The following CYSTM1 variants were observed in gnomAD, a reference collection of about 807,000 sequenced individuals.
CYSTM1 encodes the protein cysteine rich transmembrane module containing 1.
A neutral mutation model predicts 13.1 loss-of-function variants in CYSTM1; 4 were observed. That is an observed-to-expected ratio of 0.31 (90% confidence interval 0.15 to 0.70). CYSTM1 has a LOEUF of 0.70. CYSTM1 is among the 30% of genes least tolerant of loss of function. The pLI is 0.72. For synonymous variants in CYSTM1, 36 were observed against 42.7 expected, an observed-to-expected ratio of 0.84 and a Z score of 0.62; for missense variants, 96 against 121.6, an observed-to-expected ratio of 0.79 and a Z score of 0.99.
At chr5:140,217,772 A>G (rs1416805317) in intron 2 of CYSTM1, among the ~76,000 whole-genome samples, 1 of 152,172 alleles carries the variant, frequency 6.6e-6, no homozygotes, top group East Asian at 1.9e-4. Context: ...CAGTTTCTTA[A>G]TAAGACAGGC....
intron 2 of CYSTM1, among the ~76,000 whole-genome samples, chr5:140,241,329 G>A (rs569497372): frequency 5.3e-5 from 8 of 152,244 alleles, no homozygotes; most frequent in South Asian, 4.1e-4. Context: ...TGAGGAGACT[G>A]ACTGATGTCC....
At chr5:140,178,611 A>G (rs1003625213) in intron 1 of CYSTM1, among the ~76,000 whole-genome samples, 1 of 150,208 alleles carries the variant, frequency 6.7e-6, no homozygotes, top group African/African-American at 2.4e-5. Flanking sequence ...GGTTTTTTTA[A>G]TTTTTTTGAG....
At chr5:140,237,722 C>A (rs1389282553) in intron 2 of CYSTM1, among the ~76,000 whole-genome samples, 1 of 152,116 alleles carries the variant, frequency 6.6e-6, no homozygotes, top group African/African-American at 2.4e-5. Context: ...GTTGTTTTTC[C>A]AAAAATTGTG....
intron 1 of CYSTM1, among the ~76,000 whole-genome samples, chr5:140,187,632 G>T (rs398153): frequency 0.75 from 113,951 of 152,090 alleles, 42,928 homozygotes; most frequent in East Asian, 0.79. Flanking sequence ...TCTCCCAAAG[G>T]GCCGGGATTA....
chr5:140,216,875 C>G (rs1373810238), intron 2 of CYSTM1, among the ~76,000 whole-genome samples: 1 of 146,414 alleles, frequency 6.8e-6, no homozygotes, highest in Non-Finnish European at 1.5e-5. Context: ...AAGTAGAGCC[C>G]TCTCCCTCTA....
intron 2 of CYSTM1, chr5:140,228,706 C>T: frequency 5.0e-6 from 2 of 399,064 alleles, no homozygotes; most frequent in East Asian, 7.1e-5. Context: ...CTCTCCTCTG[C>T]CCGCCCTGCA....
At chr5:140,192,738 A>G (rs945670313) in intron 1 of CYSTM1, among the ~76,000 whole-genome samples, 10 of 152,308 alleles carry the variant, frequency 6.6e-5, no homozygotes, top group Middle Eastern at 3.4e-3. Context: ...GTGGCCAGGG[A>G]GTGCCATTTG....
intron 2 of CYSTM1, among the ~76,000 whole-genome samples, chr5:140,204,376 A>T (rs1329923483): frequency 1.3e-5 from 2 of 152,164 alleles, no homozygotes; most frequent in East Asian, 3.9e-4. Context: ...CTGTCTCTCA[A>T]CAACAACAAA....
At chr5:140,186,342 G>A (rs1442479480) in intron 1 of CYSTM1, among the ~76,000 whole-genome samples, 1 of 152,226 alleles carries the variant, frequency 6.6e-6, no homozygotes, top group Non-Finnish European at 1.5e-5. Flanking sequence ...CTGTTTATGA[G>A]CTGACCCTTT....
Position 140,219,858 on chromosome 5 carries a change from T to G in CYSTM1, c.188-23447T>G, listed in dbSNP as rs1764469861. 6.6e-6 allele frequency among the ~76,000 whole-genome samples: 1 copy of G among 152,234 alleles called. No individual in the cohort carries two copies. The highest frequency in any genetic ancestry group is 1.5e-5 in the Non-Finnish European group (1 of 68,048). On this transcript the variant is annotated intron_variant, in intron 2 of 2. Transcript: ENST00000261811. The surrounding 1 kb of genome is among the most constrained non-coding windows in gnomAD (Gnocchi z 4.1). ...TGACGATAACAGAGTAGTCTGTGCC[T>G]GCCTGTGCCTGGACACTAATTGGAA...
At chr5:140,182,212 C>T (rs191046045) in intron 1 of CYSTM1, among the ~76,000 whole-genome samples, 2 of 152,310 alleles carry the variant, frequency 1.3e-5, no homozygotes, top group South Asian at 2.1e-4. Context: ...ACATATCCCA[C>T]CTGGGGCAAT....
intron 2 of CYSTM1, among the ~76,000 whole-genome samples, chr5:140,226,766 C>CAA (rs774732902): frequency 5.1e-5 from 6 of 117,474 alleles, no homozygotes; most frequent in African/African-American, 1.9e-4. Flanking sequence ...TACTCTGTCT[C>CAA]AAAAAAAAAA....
At chr5:140,240,788 C>G (rs1290366236) in intron 2 of CYSTM1, among the ~76,000 whole-genome samples, 2 of 152,108 alleles carry the variant, frequency 1.3e-5, no homozygotes, top group East Asian at 3.9e-4. Context: ...GGGGGTTTCT[C>G]CTGCGCTAGT....
intron 1 of CYSTM1, among the ~76,000 whole-genome samples, chr5:140,182,102 G>A (rs185014519): frequency 1.3e-5 from 2 of 152,272 alleles, no homozygotes; most frequent in African/African-American, 4.8e-5. Flanking sequence ...TGTTTAAAAG[G>A]GAAACGATAT....
intron 1 of CYSTM1, among the ~76,000 whole-genome samples, chr5:140,179,286 C>T (rs1183488300): frequency 1.3e-5 from 2 of 150,570 alleles, no homozygotes; most frequent in African/African-American, 4.9e-5. Context: ...TGGCTGGGCA[C>T]GGTGGCCCAC....
At chr5:140,215,112 C>G (rs1053535158) in intron 2 of CYSTM1, among the ~76,000 whole-genome samples, 13 of 152,206 alleles carry the variant, frequency 8.5e-5, no homozygotes, top group African/African-American at 2.9e-4. Flanking sequence ...GTCTTGAAAA[C>G]TGACAGCTTT....
rs1386423202 is a variant in CYSTM1 at position 140,175,275 on chromosome 5, G to A, written c.-31G>A. 6.6e-6 allele frequency: 1 copy of A among 152,464 alleles called. No homozygotes were observed. Among genetic ancestry groups the A allele is most frequent in the Non-Finnish European group, 1.5e-5 (1 of 68,236 alleles). 9.4% of individuals were successfully genotyped at this position (152,464 alleles called of 1,614,324 possible). On this transcript the variant is annotated 5_prime_UTR_variant, in exon 1 of 3. Coordinates refer to ENST00000261811, the MANE Select transcript of CYSTM1 (RefSeq NM_032412.4). The surrounding 1 kb of genome is among the most constrained non-coding windows in gnomAD (Gnocchi z 4.9). ...CCCGACCGTTATCCAGTCGGTTCGTGGAGAGGAGAGGTGAGGTGCAGCGGA... is the reference window on the plus strand; with the variant it reads ...CCCGACCGTTATCCAGTCGGTTCGTAGAGAGGAGAGGTGAGGTGCAGCGGA...
chr5:140,186,223 A>G (rs1255025413), intron 1 of CYSTM1, among the ~76,000 whole-genome samples: 1 of 152,244 alleles, frequency 6.6e-6, no homozygotes, highest in South Asian at 2.1e-4. Context: ...AAGTTTGTCA[A>G]TAGTATTCAA....
intron 2 of CYSTM1, among the ~76,000 whole-genome samples, chr5:140,223,852 CA>C (rs1764518192): frequency 6.6e-6 from 1 of 152,156 alleles, no homozygotes; most frequent in African/African-American, 2.4e-5. Flanking sequence ...AGAGGTTGTT[CA>C]AAGGGTATGC....
Sources: allele counts gnomAD v4.1 joint callset (sites outside exome capture counted in the v4.1 genomes callset), GRCh38; gene constraint gnomAD v4.1.1; non-coding constraint Gnocchi (gnomAD v3.1); transcripts MANE v1.5; gene names NCBI Gene and HGNC (gene_info 2026-07-23, HGNC 2026-07-21).